Variants in PDAP1 observed in about 807,000 individuals in gnomAD.
PDAP1 encodes the protein 28 kDa heat- and acid-stable phosphoprotein.
In PDAP1, 13 loss-of-function variants were observed where a neutral mutation model predicts 28.0. That is an observed-to-expected ratio of 0.46 (90% CI 0.30 to 0.74). The LOEUF (loss-of-function observed/expected upper bound fraction) is 0.74, where lower values mean the gene tolerates loss of function less well. PDAP1 is among the 30% of genes least tolerant of loss of function. The pLI is 0.07. For synonymous variants in PDAP1, 77 were observed against 85.1 expected, an observed-to-expected ratio of 0.91 and a Z score of 0.52; for missense variants, 150 against 230.0, an observed-to-expected ratio of 0.65 and a Z score of 2.25.
chr7:99,401,613 C>T (rs1324737839), intron 3 of PDAP1, among the ~76,000 whole-genome samples: 1 of 152,112 alleles, frequency 6.6e-6, no homozygotes, highest in East Asian at 1.9e-4. Flanking sequence ...GTGTGAGCCA[C>T]CACACCCGGC....
At chr7:99,401,552 C>T (rs755534052) in intron 3 of PDAP1, among the ~76,000 whole-genome samples, 18 of 152,050 alleles carry the variant, frequency 1.2e-4, no homozygotes, top group Admixed American at 3.9e-4. Context: ...CTCGAAATCT[C>T]GACCTCAGGT....
At chr7:99,406,656 T>C in intron 1 of PDAP1, 1 of 969,582 alleles carries the variant, frequency 1.0e-6, no homozygotes, top group Non-Finnish European at 1.2e-6. Flanking sequence ...GGTCCCCAAG[T>C]ATGCAAGGGT....
chr7:99,405,068 C>G (rs916862745), intron 1 of PDAP1, 115 bp from the exon 2 acceptor site: 5 of 688,888 alleles, frequency 7.3e-6, no homozygotes, highest in Non-Finnish European at 1.2e-5. Flanking sequence ...ACCCCTCACC[C>G]AGCACCACCC....
At position 99,394,683 on chromosome 7, in the gene PDAP1, A is replaced by C; in HGVS notation, c.*1999T>G. 1.5e-6 allele frequency: 2 copies of C among 1,305,170 alleles called. No homozygotes were observed. Among genetic ancestry groups the C allele is most frequent in the Non-Finnish European group, 1.9e-6 (2 of 1,037,842 alleles). 80.8% of individuals were successfully genotyped at this position (1,305,170 alleles called of 1,614,324 possible). A position where few individuals can be genotyped will look rare whatever the true frequency, so the allele number is the denominator to read the frequency against. ...CAAGGAATACGTGCCTTTTTCTTAA[A>C]TGCTTTCATTTATTGAAAAAAAAAA... On this transcript the variant is annotated 3_prime_UTR_variant, in exon 6 of 6. Coordinates refer to ENST00000350498, the MANE Select transcript of PDAP1 (RefSeq NM_014891.7).
At position 99,396,695 on chromosome 7, in the gene PDAP1, G is replaced by A; in HGVS notation, c.533C>T (p.Ser178Phe). The stretch of plus-strand genomic sequence containing the variant: ...CACGGGTCGCAGTTACTTATTCAGG[G>A]AGAGTGACTGCATTCGTTTTCCTGA... Reference protein sequence around the residue: ...TLSGKRMQSLSLNK With the variant: ...TLSGKRMQSLFLNK Residue 178 changes from serine to phenylalanine, a missense_variant, in exon 6 of 6, where the codon TCC becomes TTC. Transcript: ENST00000350498. 4.3e-6 allele frequency: 7 copies of A among 1,611,764 alleles called. No homozygotes were observed. Among genetic ancestry groups the A allele is most frequent in the Non-Finnish European group, 5.9e-6 (7 of 1,179,572 alleles).
intron 3 of PDAP1, among the ~76,000 whole-genome samples, chr7:99,401,661 C>T (rs1337327327): frequency 2.0e-5 from 3 of 151,630 alleles, no homozygotes; most frequent in African/African-American, 7.3e-5. Flanking sequence ...TTACTCTCAA[C>T]ATCCTATCAT....
At chr7:99,406,674 G>A (rs1359529216) in intron 1 of PDAP1, 7 of 917,942 alleles carry the variant, frequency 7.6e-6, no homozygotes, top group Non-Finnish European at 9.1e-6. Context: ...GGTGGCTGTG[G>A]CCTCAACTTC....
intron 1 of PDAP1, among the ~76,000 whole-genome samples, chr7:99,405,738 G>A (rs1249193196): frequency 6.6e-6 from 1 of 152,118 alleles, no homozygotes; most frequent in African/African-American, 2.4e-5. Flanking sequence ...TAGACCAGGA[G>A]ACTTAGACCA....
rs985613469 is a variant in PDAP1, at chr7:99,395,469, G to C, written c.*1213C>G. On this transcript the variant is annotated 3_prime_UTR_variant, in exon 6 of 6. Transcript: ENST00000350498. ...CCGGCCTGGTTGTGGAACTTCACGG[G>C]AATTTATTTTGTCATTACAATGTTG... 2 of 152,324 alleles carry C rather than the reference G, an allele frequency of 1.3e-5. No homozygotes were observed. Among genetic ancestry groups the C allele is most frequent in the Admixed American group, 6.5e-5 (1 of 15,294 alleles). 9.4% of individuals were successfully genotyped at this position (152,324 alleles called of 1,614,324 possible). A position where few individuals can be genotyped will look rare whatever the true frequency, so the allele number is the denominator to read the frequency against.
chr7:99,404,719 A>T, intron 2 of PDAP1, 143 bp downstream of exon 2: 1 of 602,644 alleles, frequency 1.7e-6, no homozygotes, highest in Non-Finnish European at 3.0e-6. Context: ...TCTGAGACTC[A>T]CACCTGGGGC....
At chr7:99,406,491 T>G in intron 1 of PDAP1, 1 of 851,766 alleles carries the variant, frequency 1.2e-6, no homozygotes, top group Non-Finnish European at 1.4e-6. Flanking sequence ...AAAGTACAGA[T>G]GAAAACAAAC....
chr7:99,403,813 T>C (rs1794922252), intron 2 of PDAP1, among the ~76,000 whole-genome samples: 1 of 152,158 alleles, frequency 6.6e-6, no homozygotes, highest in African/African-American at 2.4e-5. Flanking sequence ...GGTGAGAAGC[T>C]TGTTTCCTGG....
At chr7:99,400,159 C>G in intron 4 of PDAP1, 144 bp downstream of exon 4, 1 of 842,276 alleles carries the variant, frequency 1.2e-6, no homozygotes, top group Non-Finnish European at 1.9e-6. Context: ...TTCTGTGTGG[C>G]TTTTTAAAGG....
intron 1 of PDAP1, 60 bp downstream of exon 1, chr7:99,408,476 G>A (rs1223818787): frequency 2.2e-6 from 3 of 1,334,156 alleles, no homozygotes; most frequent in Non-Finnish European, 2.9e-6. Context: ...TGAGGGGACA[G>A]CGGAAGCCGG....
chr7:99,403,237 A>G lies in PDAP1; in HGVS notation c.213+161T>C, dbSNP rs769716338. 4.4e-4 allele frequency: 264 copies of G among 605,128 alleles called. 2 individuals carry two copies. The highest frequency in any genetic ancestry group is 1.8e-3 in the Middle Eastern group (4 of 2,262). The allele number at this position is 605,128 out of a possible 1,614,324, so 37.5% of individuals were successfully genotyped here. On this transcript the variant is annotated intron_variant, in intron 3 of 5. Coordinates refer to ENST00000350498, the MANE Select transcript of PDAP1 (RefSeq NM_014891.7). Reference sequence around the variant, plus strand: ...GTAACACTTCTCATTACTTGAAATGACACTGTCTGTTTACTTCTTTGTTGT... The same window carrying G: ...GTAACACTTCTCATTACTTGAAATGGCACTGTCTGTTTACTTCTTTGTTGT...
chr7:99,406,629 T>C lies in PDAP1; in HGVS notation c.14-1676A>G, dbSNP rs546239261. On this transcript the variant is annotated intron_variant, in intron 1 of 5. Transcript: ENST00000350498. ...GCCATCAGCCAGTTTTAAAGCAAGG[T>C]GGCATCCCCCTCTGCTGGTCCCCAA... 7.0e-5 allele frequency: 69 copies of C among 985,062 alleles called. 1 individual carries two copies. The South Asian group carries it at 3.0e-3, about 43-fold the overall frequency. 61.0% of individuals were successfully genotyped at this position (985,062 alleles called of 1,614,324 possible).
intron 1 of PDAP1, among the ~76,000 whole-genome samples, chr7:99,407,043 C>A (rs1335180520): frequency 1.3e-5 from 2 of 152,166 alleles, no homozygotes; most frequent in Non-Finnish European, 2.9e-5. Flanking sequence ...GGCTATGGGA[C>A]CCTGACCTTA....
intron 4 of PDAP1, among the ~76,000 whole-genome samples, chr7:99,398,324 G>C (rs967381084): frequency 1.3e-5 from 2 of 152,238 alleles, no homozygotes; most frequent in African/African-American, 4.8e-5. Context: ...CGGCCATGGA[G>C]AGAAGGGGGA....
At chr7:99,399,504 A>ATGGCAGAATACCACAG (rs1419713567) in intron 4 of PDAP1, among the ~76,000 whole-genome samples, 1 of 152,316 alleles carries the variant, frequency 6.6e-6, no homozygotes, top group South Asian at 2.1e-4. Flanking sequence ...ACAGCTGCCA[A>ATGGCAGAATACCACAG]TGGCAGAATA....
Sources: gnomAD v4.1 joint callset for allele counts (sites outside exome capture counted in the v4.1 genomes callset) on GRCh38, gnomAD v4.1.1 for gene constraint, MANE v1.5 for transcripts, NCBI Gene and HGNC (gene_info 2026-07-23, HGNC 2026-07-21) for gene names.